AGBL1: variants seen among roughly 807,000 people sequenced by gnomAD.
The protein encoded by AGBL1 is cytosolic carboxypeptidase 4.
AGBL1 carries 130 observed loss-of-function variants against 118.9 expected under a neutral mutation model. That is an observed-to-expected ratio of 1.09 (90% confidence interval 0.95 to 1.26). The LOEUF (loss-of-function observed/expected upper bound fraction) is 1.26. Among genes scored for constraint, AGBL1 ranks in the 50% most tolerant of loss-of-function variants. The pLI is 0.00. For synonymous variants in AGBL1, 555 were observed against 478.9 expected (o/e 1.16, Z -2.08); for missense variants, 1,584 against 1,298.1 (o/e 1.22, Z -3.38).
rs367954712 is a variant in AGBL1 at position 86,368,276 on chromosome 15, C to T, written c.2375-29090C>T. Among the ~76,000 whole-genome samples, 256 of 151,750 alleles carry T rather than the reference C, an allele frequency of 1.7e-3. 1 individual carries two copies. Among genetic ancestry groups the T allele is most frequent in the African/African-American group, 5.2e-3 (215 of 41,370 alleles). On this transcript the variant is annotated intron_variant, in intron 17 of 22. Transcript: ENST00000614907. ...ACTAGATAGGTACGATATTCACAGA[C>T]GGAGGGAGAGAGATAAACATAAACA...
chr15:86,894,044 A>G (rs1281273775), intron 22 of AGBL1, among the ~76,000 whole-genome samples: 1 of 152,136 alleles, frequency 6.6e-6, no homozygotes, highest in African/African-American at 2.4e-5. Flanking sequence ...TTTTGCCCCT[A>G]CACCATGACT....
At chr15:86,326,418 T>C (rs2080184672) in intron 17 of AGBL1, among the ~76,000 whole-genome samples, 1 of 152,132 alleles carries the variant, frequency 6.6e-6, no homozygotes, top group Admixed American at 6.5e-5. Flanking sequence ...AGGAGAAGGG[T>C]ATAGAGAATG....
At chr15:86,801,556 A>G (rs1179711896) in intron 22 of AGBL1, among the ~76,000 whole-genome samples, 2 of 152,100 alleles carry the variant, frequency 1.3e-5, no homozygotes, top group Non-Finnish European at 2.9e-5. Context: ...AGTCTCATAA[A>G]GGAAGATACT....
intron 22 of AGBL1, among the ~76,000 whole-genome samples, chr15:86,838,956 A>AAAG (rs2079206732): frequency 1.3e-5 from 2 of 150,334 alleles, no homozygotes; most frequent in South Asian, 4.2e-4. Flanking sequence ...AAAAAAAAAA[A>AAAG]AAAAAAAAAA....
At chr15:86,159,158 T>A in intron 5 of AGBL1, 132 bp downstream of exon 5, 1 of 803,956 alleles carries the variant, frequency 1.2e-6, no homozygotes, top group Admixed American at 2.2e-5. Context: ...TGGTACCATG[T>A]CTTTATCCTT....
chr15:86,492,587 CAAAAAAAAGAAAAA>C (rs906899281), intron 18 of AGBL1, among the ~76,000 whole-genome samples: 16 of 83,550 alleles, frequency 1.9e-4, no homozygotes, highest in Admixed American at 6.8e-4. Flanking sequence ...GAGACTCTAT[CAAAAAAAAGAAAAA>C]AAAAAAAAGA....
Position 86,286,735 on chromosome 15 carries a change from G to GTGTGTATATATATATATATATA in AGBL1, c.2220+6953_2220+6954insGTGTATATATATATATATATAT. Among the ~76,000 whole-genome samples the GTGTGTATATATATATATATATA allele has an allele frequency of 2.0e-4, 21 of 106,250 alleles. 1 individual carries two copies. Among genetic ancestry groups the GTGTGTATATATATATATATATA allele is most frequent in the African/African-American group, 5.8e-4 (15 of 25,728 alleles). 69.7% of individuals were successfully genotyped at this position (106,250 alleles called of 152,430 possible). On this transcript the variant is annotated intron_variant, in intron 16 of 22. Coordinates refer to ENST00000614907, the MANE Select transcript of AGBL1 (RefSeq NM_001386094.1). ...TATATGTGTGTGTGTGTTTGTGTGT[G>GTGTGTATATATATATATATATA]TATATATATATATAAAACTCCATCA...
intron 22 of AGBL1, among the ~76,000 whole-genome samples, chr15:86,722,090 T>G (rs1309033413): frequency 6.6e-6 from 1 of 152,012 alleles, no homozygotes; most frequent in Non-Finnish European, 1.5e-5. Context: ...CCCAAGGTAA[T>G]TTATAGATTC....
At chr15:86,598,913 T>C (rs2084449572) in intron 21 of AGBL1, among the ~76,000 whole-genome samples, 1 of 152,160 alleles carries the variant, frequency 6.6e-6, no homozygotes, top group Non-Finnish European at 1.5e-5. Flanking sequence ...CAGACTGACC[T>C]GAGAAAGCAG....
At chr15:86,803,356 T>C (rs1310906373) in intron 22 of AGBL1, among the ~76,000 whole-genome samples, 2 of 152,162 alleles carry the variant, frequency 1.3e-5, no homozygotes, top group Admixed American at 1.3e-4. Context: ...TGCTTCCCCT[T>C]CACCTTCTGC....
chr15:86,691,506 G>T (rs1385125264), intron 22 of AGBL1, among the ~76,000 whole-genome samples: 11 of 152,154 alleles, frequency 7.2e-5, no homozygotes, highest in Non-Finnish European at 4.4e-5. Context: ...GCACATGTGT[G>T]TGTAGTTTGG....
chr15:86,319,631 T>G (rs1442036109), intron 17 of AGBL1, among the ~76,000 whole-genome samples: 2 of 152,128 alleles, frequency 1.3e-5, no homozygotes, highest in Admixed American at 1.3e-4. Flanking sequence ...GATTTGTGTT[T>G]TATTTGCCCA....
chr15:86,943,294 G>A (rs185042258), intron 23 of AGBL1, among the ~76,000 whole-genome samples: 154 of 152,246 alleles, frequency 1.0e-3, no homozygotes, highest in African/African-American at 3.5e-3. Context: ...ACTTTGTGTG[G>A]ACTTTATATC....
intron 5 of AGBL1, among the ~76,000 whole-genome samples, chr15:86,211,971 G>C (rs1376781561): frequency 6.6e-6 from 1 of 152,136 alleles, no homozygotes; most frequent in Admixed American, 6.5e-5. Context: ...GGCCATCTTG[G>C]AACAGAATCC....
At chr15:86,464,875 C>T (rs1346631179) in intron 18 of AGBL1, among the ~76,000 whole-genome samples, 2 of 151,360 alleles carry the variant, frequency 1.3e-5, no homozygotes, top group South Asian at 2.1e-4. Flanking sequence ...CATCAATGTT[C>T]ATTAGGGATA....
At chr15:86,425,240 G>T (rs2081852528) in intron 18 of AGBL1, among the ~76,000 whole-genome samples, 2 of 152,076 alleles carry the variant, frequency 1.3e-5, no homozygotes, top group African/African-American at 4.8e-5. Context: ...GTCCTTTGCA[G>T]GACATGGATG....
intron 22 of AGBL1, among the ~76,000 whole-genome samples, chr15:86,753,400 T>TTC (rs1050482364): frequency 1.8e-5 from 2 of 113,242 alleles, no homozygotes; most frequent in African/African-American, 3.1e-5. Flanking sequence ...TCTTTTTCTT[T>TTC]TTTTTTTTTT....
At chr15:86,997,209 C>CT (rs1441565656) in intron 24 of AGBL1, among the ~76,000 whole-genome samples, 24 of 152,108 alleles carry the variant, frequency 1.6e-4, no homozygotes, top group African/African-American at 5.8e-4. Context: ...ACTCTAGAGT[C>CT]TAACTGTGCA....
chr15:86,148,339 A>G (rs116616524), intron 3 of AGBL1, among the ~76,000 whole-genome samples: 5,736 of 152,264 alleles, frequency 0.038, 158 homozygotes, highest in Middle Eastern at 0.092. Context: ...TCTGAGGTAA[A>G]GAAGGATGTT....
Sources: allele counts gnomAD v4.1 joint callset (sites outside exome capture counted in the v4.1 genomes callset), GRCh38; gene constraint gnomAD v4.1.1; transcripts MANE v1.5; gene names NCBI Gene and HGNC (gene_info 2026-07-23, HGNC 2026-07-21).